RAPGEF2: variants seen among roughly 807,000 people sequenced by gnomAD.
RAPGEF2 encodes Rap guanine nucleotide exchange factor 2, also known as PDZ domain containing guanine nucleotide exchange factor (GEF) 1.
A neutral mutation model predicts 186.7 loss-of-function variants in RAPGEF2; 54 were observed. The observed-to-expected ratio is 0.29, with a 90% CI of 0.23 to 0.36. The LOEUF is 0.36. Among genes scored for constraint, RAPGEF2 ranks in the 10% least tolerant of loss-of-function variants. The pLI, the probability that RAPGEF2 is intolerant of heterozygous loss-of-function variation, is 1.00. For missense variants in RAPGEF2, 1,532 were observed against 2,045.0 expected (o/e 0.75, Z 4.84); for synonymous variants, 712 against 705.9 (o/e 1.01, Z -0.14).
chr4:159,266,708 G>A (rs1010537464), intron 7 of RAPGEF2, among the ~76,000 whole-genome samples: 1 of 152,172 alleles, frequency 6.6e-6, no homozygotes, highest in Non-Finnish European at 1.5e-5. Flanking sequence ...AGCTTGTCAA[G>A]TATGCATTTT....
Position 159,238,965 on chromosome 4 carries a change from T to C in RAPGEF2, c.357+81T>C. 2 of 804,242 alleles carry C rather than the reference T, an allele frequency of 2.5e-6. 1 individual carries two copies. Among genetic ancestry groups the C allele is most frequent in the South Asian group, 6.2e-5 (2 of 32,478 alleles). 49.8% of individuals were successfully genotyped at this position (804,242 alleles called of 1,614,324 possible). On this transcript the variant is annotated intron_variant, in intron 5 of 29. Transcript: ENST00000691494. Reference sequence around the variant, plus strand: ...GCATTTTTATAAACTGCTTATAATATTAGATTTTTGTTGAATAGAAAATAT... The same window carrying C: ...GCATTTTTATAAACTGCTTATAATACTAGATTTTTGTTGAATAGAAAATAT...
chr4:159,340,161 G>A (rs958192585), intron 19 of RAPGEF2, among the ~76,000 whole-genome samples: 6 of 152,074 alleles, frequency 3.9e-5, no homozygotes, highest in Non-Finnish European at 8.8e-5. Flanking sequence ...TTTAACTTAC[G>A]GAGTGTTTCA....
intron 9 of RAPGEF2, among the ~76,000 whole-genome samples, chr4:159,320,415 A>G (rs1182072448): frequency 1.3e-5 from 2 of 152,218 alleles, no homozygotes; most frequent in African/African-American, 4.8e-5. Flanking sequence ...AGTTTCATGA[A>G]ACAGAACGTA....
chr4:159,286,521 A>G (rs564197863), intron 7 of RAPGEF2, among the ~76,000 whole-genome samples: 1 of 152,302 alleles, frequency 6.6e-6, no homozygotes, highest in South Asian at 2.1e-4. Context: ...AAAACTCCTC[A>G]GTAGCTCTCT....
At chr4:159,266,401 A>G (rs1757430535) in intron 7 of RAPGEF2, among the ~76,000 whole-genome samples, 1 of 152,224 alleles carries the variant, frequency 6.6e-6, no homozygotes, top group Non-Finnish European at 1.5e-5. Flanking sequence ...CCATTGATAG[A>G]TAAACCTGAT....
intron 7 of RAPGEF2, among the ~76,000 whole-genome samples, chr4:159,289,710 A>T (rs4295222): frequency 1.3e-5 from 2 of 151,992 alleles, no homozygotes; most frequent in Non-Finnish European, 2.9e-5. Context: ...CTGTAAAGGT[A>T]TTTAAGTTCT....
At chr4:159,109,870 A>G (rs1359302636) in intron 1 of RAPGEF2, among the ~76,000 whole-genome samples, 1 of 152,210 alleles carries the variant, frequency 6.6e-6, no homozygotes, top group African/African-American at 2.4e-5. Context: ...CAGGGGACTG[A>G]GGAGGGGGTA....
intron 16 of RAPGEF2, 148 bp downstream of exon 16, chr4:159,332,182 C>T (rs1246005176): frequency 1.5e-6 from 1 of 663,518 alleles, no homozygotes; most frequent in African/African-American, 1.8e-5. Context: ...TTTAATCTGT[C>T]TTTATTGATA....
At chr4:159,232,017 T>C (rs1417550913) in intron 4 of RAPGEF2, among the ~76,000 whole-genome samples, 1 of 152,216 alleles carries the variant, frequency 6.6e-6, no homozygotes, top group Non-Finnish European at 1.5e-5. Flanking sequence ...TTTGTTAAAA[T>C]AGAGATTCTA....
At chr4:159,254,735 A>G (rs931235875) in intron 7 of RAPGEF2, among the ~76,000 whole-genome samples, 1 of 151,928 alleles carries the variant, frequency 6.6e-6, no homozygotes, top group Non-Finnish European at 1.5e-5. Context: ...CAGCGTCCCA[A>G]GTAGCTGGAA....
intron 1 of RAPGEF2, among the ~76,000 whole-genome samples, chr4:159,124,227 A>G (rs902023898): frequency 7.3e-5 from 11 of 151,306 alleles, no homozygotes; most frequent in African/African-American, 2.7e-4. Flanking sequence ...AGAACTTTCA[A>G]CTGATTTCAG....
chr4:159,359,177 T>C lies in RAPGEF2; in HGVS notation c.*1038T>C, dbSNP rs1013461944. ...TTTTTGTTTTTTTTTAAGAGAAACA[T>C]TTATAACTGGATAGCATTGCAGTGA... On this transcript the variant is annotated 3_prime_UTR_variant, in exon 30 of 30. Coordinates refer to ENST00000691494, the MANE Select transcript of RAPGEF2 (RefSeq NM_001394067.2). 6.6e-6 allele frequency: 1 copy of C among 152,166 alleles called. No individual in the cohort carries two copies. Among genetic ancestry groups the C allele is most frequent in the Non-Finnish European group, 1.5e-5 (1 of 68,036 alleles). 9.4% of individuals were successfully genotyped at this position (152,166 alleles called of 1,614,324 possible).
At chr4:159,223,941 C>T (rs1211457321) in intron 4 of RAPGEF2, among the ~76,000 whole-genome samples, 1 of 151,976 alleles carries the variant, frequency 6.6e-6, no homozygotes, top group Non-Finnish European at 1.5e-5. Context: ...CTCTGCCACC[C>T]AGCCTGGAGT....
intron 1 of RAPGEF2, among the ~76,000 whole-genome samples, chr4:159,161,661 A>G (rs899172225): frequency 6.6e-6 from 1 of 152,212 alleles, no homozygotes; most frequent in Non-Finnish European, 1.5e-5. Context: ...GCAATGAGCC[A>G]TGATCACGCC....
intron 7 of RAPGEF2, among the ~76,000 whole-genome samples, chr4:159,247,755 CTTTTTTT>C (rs56053207): frequency 0.011 from 922 of 83,490 alleles, 4 homozygotes; most frequent in Middle Eastern, 0.038. Context: ...TAATTTGTTT[CTTTTTTT>C]TTTTTTTTTT....
chr4:159,194,851 G>A (rs1290579243), intron 3 of RAPGEF2, among the ~76,000 whole-genome samples: 2 of 152,018 alleles, frequency 1.3e-5, no homozygotes, highest in African/African-American at 4.8e-5. Flanking sequence ...TTCCCTCAAA[G>A]GTAATACCTG....
intron 7 of RAPGEF2, among the ~76,000 whole-genome samples, chr4:159,283,500 G>A (rs943740079): frequency 6.6e-6 from 1 of 152,042 alleles, no homozygotes; most frequent in South Asian, 2.1e-4. Flanking sequence ...GAATTTTAGA[G>A]ATATTTTAAT....
chr4:159,310,813 G>A (rs1763862870), intron 8 of RAPGEF2, among the ~76,000 whole-genome samples: 1 of 151,984 alleles, frequency 6.6e-6, no homozygotes, highest in African/African-American at 2.4e-5. Context: ...GTCTGTTTTA[G>A]TGTCTTTATT....
chr4:159,355,981 C>A lies in RAPGEF2; in HGVS notation c.4780C>A (p.Gln1594Lys), dbSNP rs1041969537. The A allele has an allele frequency of 1.2e-6, 2 of 1,603,804 alleles. No homozygotes were observed. The highest frequency in any genetic ancestry group is 2.3e-5 in the East Asian group (1 of 44,040). The change falls in exon 29 of 30, where the codon CAG (glutamine) becomes AAG (lysine). Residue 1594 changes from glutamine to lysine, a missense_variant. By Grantham distance (53) the Gln-to-Lys change is moderately conservative. Around this residue, in one of 4 missense-constraint regions of RAPGEF2, gnomAD observed 594 missense variants for 608.5 expected, o/e 0.98. Transcript: ENST00000691494. ...RKPPDYNVAL[Q>K]RSRMVARSSD... The stretch of plus-strand genomic sequence containing the variant: ...ACCGCCGGACTACAACGTGGCCCTT[C>A]AGAGATCGCGGATGGTCGCACGATC...
Sources: allele counts gnomAD v4.1 joint callset (sites outside exome capture counted in the v4.1 genomes callset), GRCh38; gene constraint gnomAD v4.1.1; regional missense constraint gnomAD v4.1.1; transcripts MANE v1.5; gene names NCBI Gene and HGNC (gene_info 2026-07-23, HGNC 2026-07-21).